The following WWOX variants were observed in gnomAD, a reference collection of about 807,000 sequenced individuals.
The protein encoded by WWOX is WW domain-containing oxidoreductase.
Under a neutral mutation model 46.2 loss-of-function variants are expected in WWOX, and 69 were observed. That is an observed-to-expected ratio of 1.49 (90% CI 1.23 to 1.82). WWOX has a LOEUF of 1.82. Among genes scored for constraint, WWOX ranks in the 40% most tolerant of loss-of-function variants. The probability of loss-of-function intolerance (pLI) is 0.00; values close to 1 mark genes in which losing one functional copy is unlikely to be tolerated. For synonymous variants in WWOX, 359 were observed against 202.6 expected (o/e 1.77, Z -6.56); for missense variants, 919 against 542.6 (o/e 1.69, Z -6.89).
chr16:78,750,751 T>G (rs1412853546), intron 8 of WWOX, among the ~76,000 whole-genome samples: 1 of 152,202 alleles, frequency 6.6e-6, no homozygotes, highest in Non-Finnish European at 1.5e-5. Context: ...GGTATTTGGT[T>G]TTCTGTTTCT....
chr16:78,691,117 GT>G, intron 8 of WWOX: 1 of 633,642 alleles, frequency 1.6e-6, no homozygotes, highest in East Asian at 2.7e-5. Flanking sequence ...AATACCAGTC[GT>G]TATTGCTTTA....
intron 8 of WWOX, among the ~76,000 whole-genome samples, chr16:78,644,185 G>T (rs1353558848): frequency 6.6e-6 from 1 of 152,102 alleles, no homozygotes; most frequent in Admixed American, 6.5e-5. Flanking sequence ...TCACGCCATT[G>T]CACTCCAGCC....
At chr16:78,227,688 C>T (rs1359479179) in intron 5 of WWOX, among the ~76,000 whole-genome samples, 2 of 151,982 alleles carry the variant, frequency 1.3e-5, no homozygotes, top group Non-Finnish European at 2.9e-5. Flanking sequence ...ACCAGCCTGG[C>T]TAACATGGTG....
intron 5 of WWOX, among the ~76,000 whole-genome samples, chr16:78,373,400 A>T (rs1452803099): frequency 6.6e-6 from 1 of 152,182 alleles, no homozygotes; most frequent in Non-Finnish European, 1.5e-5. Context: ...TATCTCATGG[A>T]AGGTTGAAGT....
intron 8 of WWOX, among the ~76,000 whole-genome samples, chr16:78,947,328 C>A (rs2045968886): frequency 6.6e-6 from 1 of 152,174 alleles, no homozygotes; most frequent in African/African-American, 2.4e-5. Context: ...TCATTAGCTT[C>A]AAACACCATT....
At position 78,109,794 on chromosome 16, in the gene WWOX, G is replaced by A. The variant is rs1265607632; in HGVS notation, c.189G>A (p.Trp63Ter). The part of the protein sequence containing the change: ...KRVAGDLPYG[W>*]EQETDENGQV... ...GTGTTTCAGATTTGCCATACGGATG[G>A]GAACAAGAAACTGATGAGAACGGAC... is the stretch of plus-strand genomic sequence containing the variant. Residue 63 changes from tryptophan to a stop codon, truncating the protein, a stop_gained, in exon 3 of 9, where the codon TGG becomes TGA. Coordinates refer to ENST00000566780, the MANE Select transcript of WWOX (RefSeq NM_016373.4). LOFTEE classifies it high-confidence loss of function. The A allele has an allele frequency of 6.2e-7, 1 of 1,614,058 alleles. No homozygotes were observed. The highest frequency in any genetic ancestry group is 1.1e-5 in the South Asian group (1 of 91,068).
At chr16:78,883,191 G>C (rs1282582923) in intron 8 of WWOX, among the ~76,000 whole-genome samples, 1 of 152,148 alleles carries the variant, frequency 6.6e-6, no homozygotes, top group East Asian at 1.9e-4. Flanking sequence ...AGTTGTGATT[G>C]TGGTTGTTGT....
At chr16:78,537,681 T>TA (rs1370517354) in intron 8 of WWOX, among the ~76,000 whole-genome samples, 1 of 152,088 alleles carries the variant, frequency 6.6e-6, no homozygotes, top group Non-Finnish European at 1.5e-5. Context: ...GGGCTGGAGT[T>TA]AGAGCCAGGG....
intron 5 of WWOX, among the ~76,000 whole-genome samples, chr16:78,356,337 T>C (rs1481542027): frequency 6.6e-6 from 1 of 152,130 alleles, no homozygotes; most frequent in Non-Finnish European, 1.5e-5. Context: ...ATACTCAACT[T>C]GTTTAAAATA....
At chr16:78,724,022 T>G (rs988719781) in intron 8 of WWOX, among the ~76,000 whole-genome samples, 3 of 152,256 alleles carry the variant, frequency 2.0e-5, no homozygotes, top group Non-Finnish European at 2.9e-5. Context: ...AGAGGATGCA[T>G]AGGACTACAT....
rs191949743 is a variant in WWOX, at chr16:78,915,492, A to C, written c.1057-296116A>C. Among the ~76,000 whole-genome samples the C allele has an allele frequency of 3.7e-4, 57 of 152,306 alleles. No homozygotes were observed. The Middle Eastern group carries it at 0.01, about 27-fold the overall frequency. On this transcript the variant is annotated intron_variant, in intron 8 of 8. Transcript: ENST00000566780. ...GTCCCTCTAATGACGCTGGCCAATG[A>C]GCCTACACAGAATGTCGCATGCAGA... is the stretch of plus-strand genomic sequence containing the variant.
chr16:79,201,879 T>C (rs1243081987), intron 8 of WWOX, among the ~76,000 whole-genome samples: 1 of 152,206 alleles, frequency 6.6e-6, no homozygotes, highest in Non-Finnish European at 1.5e-5. Context: ...GTTCACCTGT[T>C]TATTTCATGA....
intron 8 of WWOX, among the ~76,000 whole-genome samples, chr16:78,979,065 C>T (rs891005953): frequency 3.3e-5 from 5 of 149,624 alleles, no homozygotes; most frequent in African/African-American, 1.2e-4. Flanking sequence ...CCTTCGTCCT[C>T]CCTGCTCAGA....
chr16:78,975,937 C>G (rs539114702), intron 8 of WWOX, among the ~76,000 whole-genome samples: 7 of 152,314 alleles, frequency 4.6e-5, no homozygotes, highest in Middle Eastern at 6.8e-3. Flanking sequence ...CCCTGCCACC[C>G]TCCATCCCCT....
chr16:78,993,981 C>G (rs62036059), intron 8 of WWOX, among the ~76,000 whole-genome samples: 3,039 of 152,316 alleles, frequency 0.02, 55 homozygotes, highest in Non-Finnish European at 0.031. Context: ...CAGCTCAGCC[C>G]TGTCCTAGAG....
chr16:79,038,004 C>G (rs1420898349), intron 8 of WWOX, among the ~76,000 whole-genome samples: 1 of 152,080 alleles, frequency 6.6e-6, no homozygotes, highest in Admixed American at 6.6e-5. Flanking sequence ...CACATGATGG[C>G]AACCAGGCTC....
chr16:78,436,412 G>C (rs1374336083), intron 8 of WWOX, among the ~76,000 whole-genome samples: 1 of 152,194 alleles, frequency 6.6e-6, no homozygotes, highest in Non-Finnish European at 1.5e-5. Context: ...CTGACCTTGA[G>C]TGATTAGAAA....
At chr16:78,950,917 A>T (rs1334776924) in intron 8 of WWOX, among the ~76,000 whole-genome samples, 4 of 152,084 alleles carry the variant, frequency 2.6e-5, no homozygotes, top group Non-Finnish European at 5.9e-5. Context: ...CAAGGATAAC[A>T]TTGTCCAGAT....
chr16:78,778,155 A>C (rs1252310944), intron 8 of WWOX, among the ~76,000 whole-genome samples: 2 of 152,112 alleles, frequency 1.3e-5, no homozygotes, highest in Non-Finnish European at 2.9e-5. Flanking sequence ...CCCCACCCCA[A>C]GTCACACAGT....
Sources: allele counts gnomAD v4.1 joint callset (sites outside exome capture counted in the v4.1 genomes callset), GRCh38; gene constraint gnomAD v4.1.1; transcripts MANE v1.5; gene names NCBI Gene and HGNC (gene_info 2026-07-23, HGNC 2026-07-21).